The following SLC44A2 variants were observed in gnomAD, a reference collection of about 807,000 sequenced individuals.
The protein encoded by SLC44A2 is choline transporter-like protein 2.
A neutral mutation model predicts 90.8 loss-of-function variants in SLC44A2; 57 were observed. That is an observed-to-expected ratio of 0.63 (90% confidence interval 0.51 to 0.78). The LOEUF (loss-of-function observed/expected upper bound fraction) is 0.78. Among genes scored for constraint, SLC44A2 ranks in the 30% least tolerant of loss-of-function variants. SLC44A2 has a pLI of 0.00. For synonymous variants in SLC44A2, 355 were observed against 360.7 expected (o/e 0.98, Z 0.18); for missense variants, 794 against 919.7 (o/e 0.86, Z 1.77).
rs183015844 is a variant in SLC44A2, at chr19:10,616,900, G to A, written c.32-9353G>A. ...TGGGACTACAGGCACGGACCACCAC[G>A]CCCAGCTTGTTCTTCTTATCTTTTA... On this transcript the variant is annotated intron_variant, in intron 1 of 21. Coordinates refer to the SLC44A2 transcript ENST00000407327. Among the ~76,000 whole-genome samples, 210 of 152,090 alleles carry A rather than the reference G, an allele frequency of 1.4e-3. 2 individuals are homozygous for A. Among genetic ancestry groups the A allele is most frequent in the African/African-American group, 4.7e-3 (195 of 41,520 alleles).
Position 10,625,669 on chromosome 19 carries a change from C to CGGTAGGCAGGGCG in SLC44A2, c.37+8_37+9insGGCGGGTAGGCAG. On this transcript the variant is annotated frameshift_variant and splice_region_variant, in exon 1 of 22. Transcript: ENST00000335757. LOFTEE classifies it high-confidence loss of function. ...AGCGGCCCCACTACTACGGGAAACACGGTAGGCAGCGACCCCCGCCCGTAG... is the reference window on the plus strand; with the variant it reads ...AGCGGCCCCACTACTACGGGAAACACGGTAGGCAGGGCGGGTAGGCAGCGACCCCCGCCCGTAG... 8.0e-7 allele frequency: 1 copy of CGGTAGGCAGGGCG among 1,250,228 alleles called. No homozygotes were observed. Among genetic ancestry groups the CGGTAGGCAGGGCG allele is most frequent in the Non-Finnish European group, 1.0e-6 (1 of 991,528 alleles). The allele number at this position is 1,250,228 out of a possible 1,614,324, so 77.4% of individuals were successfully genotyped here. A position where few individuals can be genotyped will look rare whatever the true frequency, so the allele number is the denominator to read the frequency against.
At chr19:10,611,480 A>G (rs907794602) in intron 1 of SLC44A2, among the ~76,000 whole-genome samples, 24 of 151,718 alleles carry the variant, frequency 1.6e-4, no homozygotes, top group African/African-American at 5.3e-4. Context: ...AAATAAACAA[A>G]CAAGAGACCC....
intron 1 of SLC44A2, among the ~76,000 whole-genome samples, chr19:10,603,838 C>T (rs937728606): frequency 6.6e-6 from 1 of 152,158 alleles, no homozygotes; most frequent in African/African-American, 2.4e-5. Context: ...AGGTCTTGCC[C>T]GCTTGTGGGC....
At position 10,635,503 on chromosome 19, in the gene SLC44A2, C is replaced by G; in HGVS notation, c.1221C>G (p.Thr407=). The G allele has an allele frequency of 6.2e-7, 1 of 1,613,916 alleles. No individual in the cohort carries two copies. The highest frequency in any genetic ancestry group is 1.3e-5 in the African/African-American group (1 of 75,014). Residue 407 remains threonine (T), a synonymous_variant, in exon 14 of 22, where the codon ACC becomes ACG. Transcript: ENST00000335757. ...DDSPCPFTAK[T]CNPETFPSSN... is the part of the protein sequence containing the mutation. ...GCCCCTGCCCATTTACTGCGAAAAC[C>G]TGCAACCCAGAGGTGGGCGTCCCCG...
At chr19:10,603,998 C>G (rs1007025868) in intron 1 of SLC44A2, among the ~76,000 whole-genome samples, 1 of 152,208 alleles carries the variant, frequency 6.6e-6, no homozygotes, top group Non-Finnish European at 1.5e-5. Flanking sequence ...CCCAGGCCCA[C>G]ACATGAGACA....
Position 10,636,410 on chromosome 19 carries a change from G to A in SLC44A2, c.1321G>A (p.Ala441Thr). The change falls in exon 15 of 22, where the codon GCC (alanine) becomes ACC (threonine). Residue 441 changes from alanine to threonine, a missense_variant. Around this residue, in one of 3 missense-constraint regions of SLC44A2, gnomAD observed 738 missense variants for 841.1 expected, o/e 0.88. Coordinates refer to ENST00000335757, the MANE Select transcript of SLC44A2 (RefSeq NM_020428.4). ...FYGGESGYHR[A>T]LLGLQIFNAF... Reference sequence around the variant, plus strand: ...CGGTGGTGAGTCGGGCTACCACCGGGCCCTGCTGGGCCTGCAGATCTTCAA... The same window carrying A: ...CGGTGGTGAGTCGGGCTACCACCGGACCCTGCTGGGCCTGCAGATCTTCAA... The A allele has an allele frequency of 6.2e-7, 1 of 1,614,048 alleles. No individual in the cohort carries two copies. The highest frequency in any genetic ancestry group is 1.1e-5 in the South Asian group (1 of 91,080).
chr19:10,605,802 T>C (rs1255970798), intron 1 of SLC44A2, among the ~76,000 whole-genome samples: 1 of 151,950 alleles, frequency 6.6e-6, no homozygotes, highest in Non-Finnish European at 1.5e-5. Context: ...GAGGCCAGCC[T>C]GGCCAACATG....
At chr19:10,627,020 T>A (rs902464985) in intron 2 of SLC44A2, among the ~76,000 whole-genome samples, 9 of 141,882 alleles carry the variant, frequency 6.3e-5, no homozygotes, top group East Asian at 2.2e-4. Flanking sequence ...CAAAAAAAAA[T>A]AACAAAAAAA....
chr19:10,634,584 A>T (rs1443155993), intron 10 of SLC44A2, among the ~76,000 whole-genome samples, 172 bp from the exon 11 acceptor site: 6 of 148,162 alleles, frequency 4.0e-5, no homozygotes, highest in Admixed American at 4.0e-4. Context: ...AGACCTAAGG[A>T]TGTGTGGGAT....
chr19:10,634,781 C>G lies in SLC44A2; in HGVS notation c.849C>G (p.Tyr283Ter). 6.2e-7 allele frequency: 1 copy of G among 1,614,162 alleles called. No individual in the cohort carries two copies. Among genetic ancestry groups the G allele is most frequent in the South Asian group, 1.1e-5 (1 of 91,084 alleles). ...GAATATTTCACTGCTACATGGAGTACTCCCGACTGCGTGGTGAGGCCGGCT... is the reference window on the plus strand; with the variant it reads ...GAATATTTCACTGCTACATGGAGTAGTCCCGACTGCGTGGTGAGGCCGGCT... ...GYGIFHCYME[Y>*]SRLRGEAGSD... The change falls in exon 11 of 22, where the codon TAC (tyrosine) becomes TAG (stop). Residue 283 changes from tyrosine to a stop codon, truncating the protein, a stop_gained. Coordinates refer to ENST00000335757, the MANE Select transcript of SLC44A2 (RefSeq NM_020428.4). LOFTEE classifies it high-confidence loss of function.
chr19:10,633,779 C>A (rs1199850274), intron 10 of SLC44A2, among the ~76,000 whole-genome samples: 1 of 152,144 alleles, frequency 6.6e-6, no homozygotes, highest in Non-Finnish European at 1.5e-5. Context: ...ATTCCTTGAA[C>A]TTTCCTGGAA....
At chr19:10,630,726 G>A (rs376076639) in intron 4 of SLC44A2, among the ~76,000 whole-genome samples, 2 of 151,116 alleles carry the variant, frequency 1.3e-5, no homozygotes, top group African/African-American at 4.9e-5. Context: ...TTAACAGGTC[G>A]GGTGTGGTGG....
intron 1 of SLC44A2, among the ~76,000 whole-genome samples, chr19:10,616,133 G>C (rs773881923): frequency 1.5e-4 from 22 of 146,202 alleles, no homozygotes; most frequent in Non-Finnish European, 3.0e-4. Flanking sequence ...GTGAGACCCT[G>C]TCTCCAAAGA....
chr19:10,637,755 G>A lies in SLC44A2; in HGVS notation c.1695+8G>A. The A allele has an allele frequency of 1.2e-6, 2 of 1,613,868 alleles. No individual in the cohort carries two copies. Among genetic ancestry groups the A allele is most frequent in the East Asian group, 2.2e-5 (1 of 44,872 alleles). On this transcript the variant is annotated splice_region_variant and intron_variant, in intron 17 of 21. Transcript: ENST00000335757. ...AGGAATGCCTACATCATGGTGAGTG[G>A]GCCTGGGACCCCCAACCAACCCGCC...
chr19:10,610,989 A>T (rs1918285804), intron 1 of SLC44A2, among the ~76,000 whole-genome samples: 1 of 151,474 alleles, frequency 6.6e-6, no homozygotes, highest in South Asian at 2.1e-4. Context: ...TGAACATGAT[A>T]TTTATTTATT....
chr19:10,613,883 C>T (rs1406040822), intron 1 of SLC44A2, among the ~76,000 whole-genome samples: 1 of 152,128 alleles, frequency 6.6e-6, no homozygotes, highest in Non-Finnish European at 1.5e-5. Flanking sequence ...CCTGCCTACA[C>T]ATCGATTGTA....
chr19:10,634,659 G>A, intron 10 of SLC44A2, 97 bp from the exon 11 acceptor site: 2 of 1,573,348 alleles, frequency 1.3e-6, no homozygotes, highest in East Asian at 2.2e-5. Flanking sequence ...TGAGGCAGAA[G>A]CCTCGATGTT....
chr19:10,619,152 G>C (rs1238147258), intron 1 of SLC44A2, among the ~76,000 whole-genome samples: 2 of 151,222 alleles, frequency 1.3e-5, no homozygotes, highest in Non-Finnish European at 2.9e-5. Flanking sequence ...AATTTTGGCC[G>C]GGCACAGTGG....
intron 1 of SLC44A2, among the ~76,000 whole-genome samples, chr19:10,604,561 T>G (rs967738626): frequency 5.9e-5 from 9 of 152,146 alleles, no homozygotes; most frequent in African/African-American, 1.9e-4. Flanking sequence ...CCCCAGTGGC[T>G]TCCCATCCGT....
Sources: gnomAD v4.1 joint callset for allele counts (sites outside exome capture counted in the v4.1 genomes callset) on GRCh38, gnomAD v4.1.1 for gene constraint, gnomAD v4.1.1 regional missense constraint, MANE v1.5 for transcripts, NCBI Gene and HGNC (gene_info 2026-07-23, HGNC 2026-07-21) for gene names.